Variants in PPM1H observed in about 807,000 individuals in gnomAD.
PPM1H encodes the protein protein phosphatase, Mg2+/Mn2+ dependent 1H.
PPM1H carries 27 observed loss-of-function variants against 54.9 expected under a neutral mutation model. That is an observed-to-expected ratio of 0.49 (90% CI 0.36 to 0.68). The LOEUF (loss-of-function observed/expected upper bound fraction) is 0.68, where lower values mean the gene tolerates loss of function less well. Ranked by LOEUF, PPM1H falls within the 30% of genes least tolerant of loss-of-function variation. PPM1H has a pLI of 0.00. For synonymous variants in PPM1H, 305 were observed against 270.8 expected (o/e 1.13, Z -1.24); for missense variants, 596 against 667.8 (o/e 0.89, Z 1.19).
chr12:62,920,008 TCTC>T (rs946030359), intron 1 of PPM1H, among the ~76,000 whole-genome samples: 10 of 152,158 alleles, frequency 6.6e-5, no homozygotes, highest in African/African-American at 2.4e-4. Flanking sequence ...TGCCAATTCT[TCTC>T]TTCTTCCCAT....
At chr12:62,654,560 G>GTTGGCCGC (rs769185573) in intron 9 of PPM1H, among the ~76,000 whole-genome samples, 9 of 152,196 alleles carry the variant, frequency 5.9e-5, no homozygotes, top group Non-Finnish European at 1.3e-4. Context: ...GATCTCTCAA[G>GTTGGCCGC]TTGGCCGCTT....
At chr12:62,814,338 C>T (rs1174780305) in intron 2 of PPM1H, among the ~76,000 whole-genome samples, 3 of 152,088 alleles carry the variant, frequency 2.0e-5, no homozygotes, top group Admixed American at 6.6e-5. Flanking sequence ...CCACGTTGGC[C>T]GCCCCAAGAA....
intron 1 of PPM1H, among the ~76,000 whole-genome samples, chr12:62,862,350 A>T (rs1010916987): frequency 6.6e-6 from 1 of 152,196 alleles, no homozygotes; most frequent in East Asian, 1.9e-4. Context: ...GCATGAAAAA[A>T]CAGATATAAG....
rs116351996 is a variant in PPM1H, at chr12:62,769,326, T to C, written c.869+18900A>G. Among the ~76,000 whole-genome samples, 560 of 152,302 alleles carry C rather than the reference T, an allele frequency of 3.7e-3. 4 individuals are homozygous for C. Among genetic ancestry groups the C allele is most frequent in the African/African-American group, 0.013 (539 of 41,566 alleles). On this transcript the variant is annotated intron_variant, in intron 4 of 9. Transcript: ENST00000228705. ...GAAAAGGTGGTGTCCCTAACCAGAA[T>C]ACCGCTTTACCCTTTTAAGTGGCAG... is the stretch of plus-strand genomic sequence containing the variant.
rs1392777457 is a variant in PPM1H, at chr12:62,644,927, A to C, written c.*3562T>G. 6.6e-6 allele frequency: 1 copy of C among 152,234 alleles called. No individual in the cohort carries two copies. Among genetic ancestry groups the C allele is most frequent in the Admixed American group, 6.5e-5 (1 of 15,290 alleles). 9.4% of individuals were successfully genotyped at this position (152,234 alleles called of 1,614,324 possible). On this transcript the variant is annotated 3_prime_UTR_variant, in exon 10 of 10. Coordinates refer to ENST00000228705, the MANE Select transcript of PPM1H (RefSeq NM_020700.2). Reference sequence around the variant, plus strand: ...GTCCCAGAAGCACTAACTTACTGAAAATAGAATCTCATCAAAGCTTAACAT... The same window carrying C: ...GTCCCAGAAGCACTAACTTACTGAACATAGAATCTCATCAAAGCTTAACAT...
At chr12:62,780,310 CT>C (rs1245239846) in intron 4 of PPM1H, among the ~76,000 whole-genome samples, 1 of 151,866 alleles carries the variant, frequency 6.6e-6, no homozygotes, top group African/African-American at 2.4e-5. Context: ...AGTTTTCTTT[CT>C]TTTTTTTGGT....
At chr12:62,697,091 GAGA>G (rs1401205134) in intron 6 of PPM1H, among the ~76,000 whole-genome samples, 3 of 151,864 alleles carry the variant, frequency 2.0e-5, no homozygotes, top group South Asian at 2.1e-4. Flanking sequence ...TGGGTCTACA[GAGA>G]AGAAGAGAGG....
At position 62,934,396 on chromosome 12, in the gene PPM1H, GC is replaced by G; in HGVS notation, c.245+95del. ...GCCTGGACGCCGGCAGCTAGTGAGA[GC>G]CCTGAGGCCGAGAAGCAGGGAGAGA... On this transcript the variant is annotated intron_variant, in intron 1 of 9. Transcript: ENST00000228705. This position sits in a 1 kb window ranked among gnomAD's most constrained non-coding sequence, Gnocchi z 4.2. 1 of 1,383,692 alleles carries G rather than the reference GC, an allele frequency of 7.2e-7. No individual in the cohort carries two copies. The highest frequency in any genetic ancestry group is 9.4e-7 in the Non-Finnish European group (1 of 1,064,516). 85.7% of individuals were successfully genotyped at this position (1,383,692 alleles called of 1,614,324 possible). A position where few individuals can be genotyped will look rare whatever the true frequency, so the allele number is the denominator to read the frequency against.
At chr12:62,662,113 G>A (rs2075887570) in intron 9 of PPM1H, among the ~76,000 whole-genome samples, 1 of 152,204 alleles carries the variant, frequency 6.6e-6, no homozygotes, top group African/African-American at 2.4e-5. Flanking sequence ...GACCTGGCAT[G>A]TGCACGCTGC....
chr12:62,713,318 G>C (rs939080113), intron 6 of PPM1H, among the ~76,000 whole-genome samples: 1 of 152,130 alleles, frequency 6.6e-6, no homozygotes, highest in Non-Finnish European at 1.5e-5. Flanking sequence ...AGAAATCAAA[G>C]GAAAAGCAAG....
chr12:62,828,968 C>T (rs760153073), intron 2 of PPM1H, among the ~76,000 whole-genome samples: 7 of 151,066 alleles, frequency 4.6e-5, no homozygotes, highest in African/African-American at 1.2e-4. Context: ...CTGGTGAAGA[C>T]GTGGAGAAAT....
chr12:62,866,593 A>G (rs1387614169), intron 1 of PPM1H, among the ~76,000 whole-genome samples: 1 of 152,178 alleles, frequency 6.6e-6, no homozygotes, highest in Non-Finnish European at 1.5e-5. Flanking sequence ...CTAACTGGCC[A>G]ACCACAGGAG....
rs545202633 is a variant in PPM1H, at chr12:62,834,879, T to C, written c.246-2600A>G. ...TCCCAAGCAACATGTTTGGGGTGGA[T>C]TTTTTACTGGGTGATGTTATACCAC... On this transcript the variant is annotated intron_variant, in intron 1 of 9. Coordinates refer to ENST00000228705, the MANE Select transcript of PPM1H (RefSeq NM_020700.2). 9.2e-5 allele frequency among the ~76,000 whole-genome samples: 14 copies of C among 152,208 alleles called. No homozygotes were observed. In the East Asian group the frequency reaches 2.3e-3, roughly 25 times the overall value.
chr12:62,919,901 C>A (rs1871739868), intron 1 of PPM1H, among the ~76,000 whole-genome samples: 1 of 149,096 alleles, frequency 6.7e-6, no homozygotes, highest in Non-Finnish European at 1.5e-5. Context: ...GAGAAGAGGA[C>A]AGGCAGGGCT....
chr12:62,838,051 A>G (rs2120878580), intron 1 of PPM1H, among the ~76,000 whole-genome samples: 1 of 152,188 alleles, frequency 6.6e-6, no homozygotes, highest in East Asian at 1.9e-4. Flanking sequence ...GCCCACCCAC[A>G]TCGGCTCTGG....
intron 4 of PPM1H, among the ~76,000 whole-genome samples, chr12:62,768,449 T>A (rs561775106): frequency 2.6e-5 from 4 of 152,166 alleles, no homozygotes; most frequent in Admixed American, 6.5e-5. Context: ...AGGTCAGGAC[T>A]TCGAGACCAA....
At chr12:62,655,955 T>A (rs1268942795) in intron 9 of PPM1H, among the ~76,000 whole-genome samples, 1 of 152,140 alleles carries the variant, frequency 6.6e-6, no homozygotes, top group Non-Finnish European at 1.5e-5. Flanking sequence ...CTTGGCAAAC[T>A]CCACAGGGCT....
chr12:62,931,237 T>C (rs1351765586), intron 1 of PPM1H, among the ~76,000 whole-genome samples: 2 of 152,226 alleles, frequency 1.3e-5, no homozygotes, highest in African/African-American at 4.8e-5. Context: ...AGATCACTTC[T>C]GATTCAGGCA....
chr12:62,753,926 C>T (rs939125156), intron 4 of PPM1H, among the ~76,000 whole-genome samples: 2 of 152,212 alleles, frequency 1.3e-5, no homozygotes, highest in Middle Eastern at 3.2e-3. Flanking sequence ...TCTGGAATAA[C>T]CTTCCCTCAT....
Sources: allele counts gnomAD v4.1 joint callset (sites outside exome capture counted in the v4.1 genomes callset), GRCh38; gene constraint gnomAD v4.1.1; non-coding constraint Gnocchi (gnomAD v3.1); transcripts MANE v1.5; gene names NCBI Gene and HGNC (gene_info 2026-07-23, HGNC 2026-07-21).